Variants in SEMA6A observed in about 807,000 individuals in gnomAD.
The protein encoded by SEMA6A is semaphorin 6A.
Under a neutral mutation model 96.8 loss-of-function variants are expected in SEMA6A, and 25 were observed. The ratio of observed to expected loss-of-function variants is 0.26; its 90% CI spans 0.19 to 0.36. The LOEUF (loss-of-function observed/expected upper bound fraction) is 0.36, where lower values mean the gene tolerates loss of function less well. SEMA6A is among the 10% of genes least tolerant of loss of function. The probability of loss-of-function intolerance (pLI) is 1.00; values close to 1 mark genes in which losing one functional copy is unlikely to be tolerated. For missense variants in SEMA6A, 1,363 were observed against 1,323.1 expected (o/e 1.03, Z -0.47); for synonymous variants, 612 against 518.0 (o/e 1.18, Z -2.46).
At chr5:116,555,243 T>C (rs1760564012) in intron 1 of SEMA6A, among the ~76,000 whole-genome samples, 1 of 152,232 alleles carries the variant, frequency 6.6e-6, no homozygotes, top group Admixed American at 6.5e-5. Context: ...TCTTGTTTGC[T>C]TGAGAGCTAA....
At position 116,495,458 on chromosome 5, in the gene SEMA6A, A is replaced by T; in HGVS notation, c.399T>A (p.Phe133Leu). The T allele has an allele frequency of 6.2e-7, 1 of 1,610,914 alleles. No homozygotes were observed. Among genetic ancestry groups the T allele is most frequent in the Non-Finnish European group, 8.5e-7 (1 of 1,178,604 alleles). ...VLLKKNDDAL[F>L]VCGTNAFNPS... ...GGTTGAAGGCATTAGTTCCACAGAC[A>T]AACAATGCATCATCGTTTTTCTTTA... Residue 133 changes from phenylalanine to leucine, a missense_variant, in exon 6 of 19, where the codon TTT becomes TTA. By Grantham distance (22) the Phe-to-Leu change is conservative. Coordinates refer to ENST00000343348, the MANE Select transcript of SEMA6A (RefSeq NM_020796.5).
intron 18 of SEMA6A, among the ~76,000 whole-genome samples, chr5:116,466,264 G>A (rs1755747110): frequency 6.6e-6 from 1 of 151,440 alleles, no homozygotes; most frequent in Admixed American, 6.6e-5. Flanking sequence ...TATAATCCCA[G>A]CTACTTGGGA....
chr5:116,508,391 G>A (rs1006525312), intron 1 of SEMA6A: 1 of 152,190 alleles, frequency 6.6e-6, no homozygotes, highest in Non-Finnish European at 1.5e-5. Context: ...TACAAAGTCA[G>A]AGAATGAGTC....
chr5:116,462,298 A>C (rs1436148402), intron 18 of SEMA6A, among the ~76,000 whole-genome samples: 1 of 152,190 alleles, frequency 6.6e-6, no homozygotes, highest in Non-Finnish European at 1.5e-5. Flanking sequence ...GAATAGGTAA[A>C]GTTTGAACGG....
intron 18 of SEMA6A, among the ~76,000 whole-genome samples, chr5:116,463,138 T>C (rs952160994): frequency 6.6e-6 from 1 of 152,198 alleles, no homozygotes; most frequent in Middle Eastern, 3.2e-3. Context: ...CAAAAAGAGA[T>C]AGTAGCAAGT....
chr5:116,466,281 G>A (rs556041553), intron 18 of SEMA6A, among the ~76,000 whole-genome samples: 3 of 151,808 alleles, frequency 2.0e-5, no homozygotes, highest in African/African-American at 7.2e-5. Context: ...GGGAAGCTGA[G>A]GCAGGGAGAA....
chr5:116,476,243 C>T (rs1756440613), intron 15 of SEMA6A, among the ~76,000 whole-genome samples: 1 of 152,124 alleles, frequency 6.6e-6, no homozygotes, highest in African/African-American at 2.4e-5. Context: ...GCTGTACAAG[C>T]AACATGACAT....
At chr5:116,517,575 T>C (rs1758730590) in intron 1 of SEMA6A, among the ~76,000 whole-genome samples, 1 of 152,236 alleles carries the variant, frequency 6.6e-6, no homozygotes, top group Non-Finnish European at 1.5e-5. Flanking sequence ...TTATTTTTCA[T>C]TTCCTATGTT....
At chr5:116,505,694 TAA>T (rs1187834622) in intron 1 of SEMA6A, among the ~76,000 whole-genome samples, 7 of 152,170 alleles carry the variant, frequency 4.6e-5, no homozygotes, top group Admixed American at 4.6e-4. Flanking sequence ...ATTGTTGATT[TAA>T]AAAGTCATAT....
In SEMA6A at chr5:116,490,683, C is replaced by A. The variant is rs1190532064; in HGVS notation, c.535+1057G>T. On this transcript the variant is annotated intron_variant, in intron 7 of 18. Coordinates refer to ENST00000343348, the MANE Select transcript of SEMA6A (RefSeq NM_020796.5). ...ATCTATCACTGCAGATCCAGGCCCA[C>A]AAATGAATGACACTGAGGGAGAGGT... is the stretch of plus-strand genomic sequence containing the variant. 5.3e-5 allele frequency among the ~76,000 whole-genome samples: 8 copies of A among 152,160 alleles called. No individual in the cohort carries two copies. In the East Asian group the frequency reaches 1.3e-3, roughly 26 times the overall value.
intron 1 of SEMA6A, among the ~76,000 whole-genome samples, chr5:116,546,867 C>T (rs777322645): frequency 3.3e-5 from 5 of 152,330 alleles, no homozygotes; most frequent in Non-Finnish European, 5.9e-5. Flanking sequence ...TTAACCATTA[C>T]CACCTTTTTA....
intron 6 of SEMA6A, chr5:116,492,570 T>C (rs541464962): frequency 6.6e-6 from 1 of 152,190 alleles, no homozygotes; most frequent in African/African-American, 2.4e-5. Flanking sequence ...GTTTAGAGAA[T>C]AGGAGGAAAA....
rs1295708868 is a variant in SEMA6A, at chr5:116,446,080, T to C, written c.*533A>G. 6.5e-6 allele frequency: 1 copy of C among 152,728 alleles called. No individual in the cohort carries two copies. The highest frequency in any genetic ancestry group is 1.5e-5 in the Non-Finnish European group (1 of 68,148). The allele number at this position is 152,728 out of a possible 1,614,324, so 9.5% of individuals were successfully genotyped here. A position where few individuals can be genotyped will look rare whatever the true frequency, so the allele number is the denominator to read the frequency against. On this transcript the variant is annotated 3_prime_UTR_variant, in exon 19 of 19. Coordinates refer to ENST00000343348, the MANE Select transcript of SEMA6A (RefSeq NM_020796.5). ...TAGTAAACTTCTGCCATTGTTAAAGTCTGAGTTAGAATTATCAATGAATTC... is the reference window on the plus strand; with the variant it reads ...TAGTAAACTTCTGCCATTGTTAAAGCCTGAGTTAGAATTATCAATGAATTC...
At chr5:116,567,157 T>A (rs1292676748) in intron 1 of SEMA6A, among the ~76,000 whole-genome samples, 1 of 152,146 alleles carries the variant, frequency 6.6e-6, no homozygotes, top group Non-Finnish European at 1.5e-5. Flanking sequence ...TTATTATTTT[T>A]TATATATAGT....
Position 116,497,398 on chromosome 5 carries a change from A to C in SEMA6A, c.219-11T>G. 1 of 1,541,682 alleles carries C rather than the reference A, an allele frequency of 6.5e-7. No homozygotes were observed. On this transcript the variant is annotated splice_polypyrimidine_tract_variant and intron_variant, in intron 3 of 18. Coordinates refer to ENST00000343348, the MANE Select transcript of SEMA6A (RefSeq NM_020796.5). ...GTATAAATATGGTCCCTATAGGCAA[A>C]GAAAAATTAATACAAGGTCAAACAC... is the stretch of plus-strand genomic sequence containing the variant.
At chr5:116,570,345 G>GGC (rs1761162452) in intron 1 of SEMA6A, among the ~76,000 whole-genome samples, 1 of 97,104 alleles carries the variant, frequency 1.0e-5, no homozygotes, top group South Asian at 3.4e-4. Context: ...CCAAGAGAGT[G>GGC]GGGGGGGTTC....
chr5:116,457,785 T>C (rs73781089), intron 18 of SEMA6A, among the ~76,000 whole-genome samples: 14,482 of 152,144 alleles, frequency 0.095, 752 homozygotes, highest in Admixed American at 0.12. Context: ...ATGATGAGGT[T>C]CACATGGCTC....
chr5:116,454,317 TAG>T (rs1337491521), intron 18 of SEMA6A, among the ~76,000 whole-genome samples: 2 of 152,168 alleles, frequency 1.3e-5, no homozygotes, highest in Non-Finnish European at 2.9e-5. Context: ...CCCCTAAAAA[TAG>T]ATTCTTGATT....
At chr5:116,536,884 A>C (rs1369798739) in intron 1 of SEMA6A, among the ~76,000 whole-genome samples, 1 of 148,958 alleles carries the variant, frequency 6.7e-6, no homozygotes, top group African/African-American at 2.6e-5. Flanking sequence ...AAAAAAAAAA[A>C]AAAAAAAAAA....
Sources: allele counts gnomAD v4.1 joint callset (sites outside exome capture counted in the v4.1 genomes callset), GRCh38; gene constraint gnomAD v4.1.1; transcripts MANE v1.5; gene names NCBI Gene and HGNC (gene_info 2026-07-23, HGNC 2026-07-21).